The following TULP4 variants were observed in gnomAD, a reference collection of about 807,000 sequenced individuals.
TULP4 encodes tubby-related protein 4.
In TULP4, 16 loss-of-function variants were observed where a neutral mutation model predicts 129.0. That is an observed-to-expected ratio of 0.12 (90% CI 0.08 to 0.19). The LOEUF (loss-of-function observed/expected upper bound fraction) is 0.19. Among genes scored for constraint, TULP4 ranks in the 10% least tolerant of loss-of-function variants. The pLI, the probability that TULP4 is intolerant of heterozygous loss-of-function variation, is 1.00. For missense variants in TULP4, 1,842 were observed against 2,059.1 expected (o/e 0.89, Z 2.04); for synonymous variants, 998 against 854.0 (o/e 1.17, Z -2.94).
chr6:158,475,399 G>T (rs1779795134), intron 6 of TULP4, among the ~76,000 whole-genome samples: 1 of 152,226 alleles, frequency 6.6e-6, no homozygotes, highest in Non-Finnish European at 1.5e-5. Flanking sequence ...TAAAATATGT[G>T]AACCTCCCTA....
chr6:158,502,722 G>A lies in TULP4; in HGVS notation c.3059G>A (p.Gly1020Glu). The change falls in exon 13 of 14, where the codon GGG becomes GAG. Residue 1020 changes from glycine (G) to glutamate (E), a missense_variant. Physicochemically the swap from Gly to Glu is moderately conservative, Grantham distance 98. Transcript: ENST00000367097. ...QPLAKSKGGP[G>E]GVVTQLPARP... ...CTGGCCAAGTCCAAGGGCGGGCCCG[G>A]GGGGGTGGTGACACAGCTCCCAGCG... 1 of 1,568,286 alleles carries A rather than the reference G, an allele frequency of 6.4e-7. No homozygotes were observed. Among genetic ancestry groups the A allele is most frequent in the Non-Finnish European group, 8.6e-7 (1 of 1,161,238 alleles).
chr6:158,424,271 T>C (rs541699853), intron 2 of TULP4, among the ~76,000 whole-genome samples: 1 of 152,262 alleles, frequency 6.6e-6, no homozygotes, highest in Non-Finnish European at 1.5e-5. Context: ...TATTTACTTA[T>C]TTTGAGATGG....
intron 1 of TULP4, among the ~76,000 whole-genome samples, chr6:158,410,908 T>G (rs1338247961): frequency 6.6e-6 from 1 of 152,152 alleles, no homozygotes; most frequent in Non-Finnish European, 1.5e-5. Flanking sequence ...AATGTCTGTT[T>G]AGGAAACTGA....
chr6:158,324,573 G>A (rs1443539763), intron 1 of TULP4, among the ~76,000 whole-genome samples: 1 of 152,208 alleles, frequency 6.6e-6, no homozygotes, highest in Non-Finnish European at 1.5e-5. Context: ...TGCCCAGATG[G>A]ATCGTCTATC....
At chr6:158,481,521 C>T (rs1156886128) in intron 8 of TULP4, 2 of 570,816 alleles carry the variant, frequency 3.5e-6, no homozygotes, top group Non-Finnish European at 6.3e-6. Flanking sequence ...GATAGCTGGG[C>T]GGTGGATAGA....
At chr6:158,308,959 C>CA (rs1166984303), upstream of TULP4, among the ~76,000 whole-genome samples, 3,745 of 138,210 alleles carry the variant, frequency 0.027, 918 homozygotes, top group Non-Finnish European at 0.043. Flanking sequence ...CCCTCCCGGA[C>CA]GGGGCGGCTG....
chr6:158,233,361 C>T (rs748448847), intron 1 of TULP4, among the ~76,000 whole-genome samples: 57 of 152,198 alleles, frequency 3.7e-4, no homozygotes, highest in Admixed American at 1.3e-3. Context: ...TTGCAATAGG[C>T]AGGTTTATGA....
At chr6:158,416,707 G>A (rs1241069338) in intron 2 of TULP4, among the ~76,000 whole-genome samples, 1 of 152,168 alleles carries the variant, frequency 6.6e-6, no homozygotes, top group African/African-American at 2.4e-5. Context: ...AAAGTCTACA[G>A]TAGCTACAAG....
intron 1 of TULP4, among the ~76,000 whole-genome samples, chr6:158,386,195 C>A (rs143879723): frequency 6.6e-5 from 10 of 151,920 alleles, no homozygotes; most frequent in Non-Finnish European, 1.5e-5. Flanking sequence ...AGCTGAGATA[C>A]TCACCCTAAA....
intron 1 of TULP4, among the ~76,000 whole-genome samples, chr6:158,404,774 CAAAAA>C (rs10608874): frequency 1.2e-4 from 13 of 108,152 alleles, no homozygotes; most frequent in Admixed American, 2.8e-4. Flanking sequence ...GACTCTGTCT[CAAAAA>C]AAAAAAAAAA....
chr6:158,361,784 T>C (rs989969637), intron 1 of TULP4, among the ~76,000 whole-genome samples: 1 of 152,216 alleles, frequency 6.6e-6, no homozygotes, highest in African/African-American at 2.4e-5. Context: ...GGCTGTCTAT[T>C]TTTACTTCTA....
At chr6:158,408,068 C>T (rs1381426065) in intron 1 of TULP4, among the ~76,000 whole-genome samples, 4 of 152,146 alleles carry the variant, frequency 2.6e-5, no homozygotes, top group Admixed American at 6.5e-5. Context: ...GAACAGATAA[C>T]GGTTAATCAT....
intron 1 of TULP4, among the ~76,000 whole-genome samples, chr6:158,258,323 T>G (rs1441920429): frequency 6.6e-6 from 1 of 152,234 alleles, no homozygotes; most frequent in African/African-American, 2.4e-5. Context: ...TTCTGAGTTA[T>G]TCCTTTTCTG....
chr6:158,239,080 G>A (rs1284324172), intron 1 of TULP4, among the ~76,000 whole-genome samples: 16 of 118,922 alleles, frequency 1.3e-4, no homozygotes, highest in African/African-American at 4.3e-4. Context: ...CTCCCTCCCG[G>A]ACGGGGCGGC....
At chr6:158,333,957 A>G (rs574920030) in intron 1 of TULP4, among the ~76,000 whole-genome samples, 1 of 152,334 alleles carries the variant, frequency 6.6e-6, no homozygotes, top group East Asian at 1.9e-4. Flanking sequence ...AGTATGTACT[A>G]CACTACTGTA....
At chr6:158,434,915 A>G (rs963493148) in intron 3 of TULP4, among the ~76,000 whole-genome samples, 3 of 152,232 alleles carry the variant, frequency 2.0e-5, no homozygotes, top group African/African-American at 4.8e-5. Context: ...AAGTTACCAC[A>G]TACATGAAAT....
In TULP4 at chr6:158,429,783, C is replaced by G; in HGVS notation, c.429C>G (p.Ser143=). ...ATGATGGAACTCAAGCACTTATTTC[C>G]TATCGAGATGGGTTTGTCCTGGTTG... ...WSHDGTQALI[S]YRDGFVLVGS... is the part of the protein sequence containing the mutation. Residue 143 remains serine, a synonymous_variant, in exon 3 of 14, where the codon TCC becomes TCG. Coordinates refer to ENST00000367097, the MANE Select transcript of TULP4 (RefSeq NM_020245.5). The G allele has an allele frequency of 6.2e-7, 1 of 1,613,946 alleles. No individual in the cohort carries two copies. Among genetic ancestry groups the G allele is most frequent in the Non-Finnish European group, 8.5e-7 (1 of 1,179,920 alleles).
chr6:158,289,046 A>G (rs959193678), intron 1 of TULP4, among the ~76,000 whole-genome samples: 3 of 152,194 alleles, frequency 2.0e-5, no homozygotes, highest in Non-Finnish European at 4.4e-5. Flanking sequence ...TGTAAACTAT[A>G]TGGCCTGATT....
At chr6:158,238,255 C>A in intron 1 of TULP4, 1 of 1,128,008 alleles carries the variant, frequency 8.9e-7, no homozygotes, top group Non-Finnish European at 1.3e-6. Context: ...ATTCCTGAAG[C>A]AGCTCTATTG....
Sources: gnomAD v4.1 joint callset for allele counts (sites outside exome capture counted in the v4.1 genomes callset) on GRCh38, gnomAD v4.1.1 for gene constraint, MANE v1.5 for transcripts, NCBI Gene and HGNC (gene_info 2026-07-23, HGNC 2026-07-21) for gene names.